The following C12orf57 variants were observed in gnomAD, a reference collection of about 807,000 sequenced individuals.
The protein encoded by C12orf57 is chromosome 12 open reading frame 57, also known as protein C10.
A neutral mutation model predicts 11.3 loss-of-function variants in C12orf57; 14 were observed. The ratio of observed to expected loss-of-function variants is 1.24; its 90% CI spans 0.82 to 1.94. The LOEUF (loss-of-function observed/expected upper bound fraction) is 1.94, where lower values mean the gene tolerates loss of function less well. Ranked by LOEUF, C12orf57 falls within the 30% of genes most tolerant of loss-of-function variation. The pLI is 0.00. For synonymous variants in C12orf57, 100 were observed against 74.6 expected (o/e 1.34, Z -1.76); for missense variants, 229 against 172.4 (o/e 1.33, Z -1.84).
chr12:6,943,989 C>T (rs28366050), upstream of C12orf57: 118 of 1,587,392 alleles, frequency 7.4e-5, no homozygotes, highest in East Asian at 5.6e-4. Flanking sequence ...TTGGGCCACG[C>T]CTGGGCGCTT....
rs374102557 is a variant in C12orf57, at chr12:6,944,091, C to G, written c.-31C>G. On this transcript the variant is annotated 5_prime_UTR_variant, in exon 1 of 3. Coordinates refer to ENST00000229281, the MANE Select transcript of C12orf57 (RefSeq NM_138425.4). Reference sequence around the variant, plus strand: ...TCTTTATTCGTGAGTTTTCCATTTACCTCCGCTGAACCTAGAGCTTCAGAC... The same window carrying G: ...TCTTTATTCGTGAGTTTTCCATTTAGCTCCGCTGAACCTAGAGCTTCAGAC... The G allele has an allele frequency of 1.9e-5, 30 of 1,613,138 alleles. No individual in the cohort carries two copies. In the South Asian group the frequency reaches 3.1e-4, roughly 17 times the overall value.
chr12:6,944,831 G>A (rs1249012969), intron 2 of C12orf57, 179 bp downstream of exon 2: 1 of 1,448,238 alleles, frequency 6.9e-7, no homozygotes, highest in African/African-American at 1.4e-5. Flanking sequence ...TTGTGCGTCC[G>A]AGTTGCGTTT....
chr12:6,943,855 C>CT (rs1415940139), upstream of C12orf57: 1 of 933,154 alleles, frequency 1.1e-6, no homozygotes, highest in Non-Finnish European at 1.5e-6. Flanking sequence ...AGTAGGCTTT[C>CT]TGGCTTTTTA....
In C12orf57 at chr12:6,945,754, TC is replaced by T. The variant is rs1565576011; in HGVS notation, c.230-15del. 6.2e-7 allele frequency: 1 copy of T among 1,612,716 alleles called. No individual in the cohort carries two copies. The highest frequency in any genetic ancestry group is 8.5e-7 in the Non-Finnish European group (1 of 1,179,438). On this transcript the variant is annotated splice_polypyrimidine_tract_variant and intron_variant, in intron 2 of 2. Coordinates refer to ENST00000229281, the MANE Select transcript of C12orf57 (RefSeq NM_138425.4). The stretch of plus-strand genomic sequence containing the variant: ...TGGTCCTTAGGAGAAGGGTTGACCT[TC>T]CACTCCCTCTTGCAGGTGTCCTTAA...
intron 1 of C12orf57, 75 bp from the exon 2 acceptor site, chr12:6,944,401 C>G (rs1945737520): frequency 6.4e-7 from 1 of 1,566,112 alleles, no homozygotes. Flanking sequence ...TAATTCCTTG[C>G]GCTCTCCGCT....
At position 6,944,095 on chromosome 12, in the gene C12orf57, C is replaced by T. The variant is rs199968230; in HGVS notation, c.-27C>T. 6,475 of 1,614,134 alleles carry T rather than the reference C, an allele frequency of 4.0e-3. 145 individuals carry two copies. The South Asian group carries it at 0.041, about 10-fold the overall frequency. ...TATTCGTGAGTTTTCCATTTACCTC[C>T]GCTGAACCTAGAGCTTCAGACGCCC... On this transcript the variant is annotated 5_prime_UTR_variant, in exon 1 of 3. Coordinates refer to ENST00000229281, the MANE Select transcript of C12orf57 (RefSeq NM_138425.4).
At chr12:6,945,565 A>G (rs1240043992) in intron 2 of C12orf57, among the ~76,000 whole-genome samples, 1 of 152,040 alleles carries the variant, frequency 6.6e-6, no homozygotes, top group East Asian at 1.9e-4. Context: ...GGACATTTTC[A>G]TTCACTGCAT....
upstream of C12orf57, chr12:6,943,993 G>C (rs201147036): frequency 1.2e-4 from 193 of 1,588,716 alleles, no homozygotes; most frequent in Admixed American, 2.8e-4. Flanking sequence ...GCCACGCCTG[G>C]GCGCTTCCGG....
chr12:6,945,007 T>C, intron 2 of C12orf57: 1 of 541,610 alleles, frequency 1.8e-6, no homozygotes, highest in Non-Finnish European at 3.0e-6. Flanking sequence ...CTTATGCACA[T>C]AGCCTGAGGG....
chr12:6,945,672 C>T, intron 2 of C12orf57, 99 bp from the exon 3 acceptor site: 1 of 1,299,482 alleles, frequency 7.7e-7, no homozygotes, highest in Non-Finnish European at 1.1e-6. Context: ...GCTGCCCAGC[C>T]AGTGGGGGAG....
intron 2 of C12orf57, 99 bp from the exon 3 acceptor site, chr12:6,945,672 C>A: frequency 7.7e-7 from 1 of 1,299,480 alleles, no homozygotes; most frequent in Non-Finnish European, 1.1e-6. Context: ...GCTGCCCAGC[C>A]AGTGGGGGAG....
chr12:6,944,300 G>T (rs782660826), intron 1 of C12orf57, 127 bp downstream of exon 1: 137 of 1,590,374 alleles, frequency 8.6e-5, no homozygotes, highest in Non-Finnish European at 1.1e-4. Flanking sequence ...CCGGGAAAAT[G>T]GGGTAGGGGA....
At chr12:6,944,196 C>A (rs1238370416) in intron 1 of C12orf57, 23 bp downstream of exon 1, 9 of 1,565,958 alleles carry the variant, frequency 5.7e-6, no homozygotes, top group Middle Eastern at 1.7e-4. Context: ...CTAGTCAAGG[C>A]ATAGGCTGCT....
At chr12:6,944,018 G>C, upstream of C12orf57, 1 of 1,606,068 alleles carries the variant, frequency 6.2e-7, no homozygotes, top group South Asian at 1.1e-5. Flanking sequence ...GCCGGATGCT[G>C]TTTCCTTTCC....
chr12:6,943,606 A>G (rs782377497), upstream of C12orf57: 20 of 1,289,760 alleles, frequency 1.6e-5, no homozygotes, highest in Admixed American at 1.4e-4. Flanking sequence ...TCAGCACCGA[A>G]CTCATTTGCA....
chr12:6,943,872 A>C, upstream of C12orf57: 1 of 957,624 alleles, frequency 1.0e-6, no homozygotes, highest in African/African-American at 1.7e-5. Context: ...TTTACCGGAA[A>C]GCCCCTCTTA....
chr12:6,943,996 G>A (rs917755635), upstream of C12orf57: 27 of 1,589,264 alleles, frequency 1.7e-5, no homozygotes, highest in South Asian at 1.8e-4. Context: ...ACGCCTGGGC[G>A]CTTCCGGCTG....
intron 2 of C12orf57, 67 bp from the exon 3 acceptor site, chr12:6,945,703 AC>A (rs1223523253): frequency 3.3e-6 from 5 of 1,535,268 alleles, no homozygotes; most frequent in Non-Finnish European, 4.5e-6. Context: ...TTAGACTACC[AC>A]CCCCTCCAGG....
At chr12:6,943,906 T>C (rs781800506), upstream of C12orf57, 62 of 1,156,982 alleles carry the variant, frequency 5.4e-5, no homozygotes, top group East Asian at 6.3e-4. Flanking sequence ...CAATGATAGA[T>C]TGTTTTCACT....
Sources: gnomAD v4.1 joint callset for allele counts (sites outside exome capture counted in the v4.1 genomes callset) on GRCh38, gnomAD v4.1.1 for gene constraint, MANE v1.5 for transcripts, NCBI Gene and HGNC (gene_info 2026-07-23, HGNC 2026-07-21) for gene names.